BNC2: variants seen among roughly 807,000 people sequenced by gnomAD.
BNC2 encodes basonuclin zinc finger protein 2.
A neutral mutation model predicts 76.3 loss-of-function variants in BNC2; 20 were observed. That is an observed-to-expected ratio of 0.26 (90% CI 0.18 to 0.38). The LOEUF (loss-of-function observed/expected upper bound fraction) is 0.38, where lower values mean the gene tolerates loss of function less well. Ranked by LOEUF, BNC2 falls within the 10% of genes least tolerant of loss-of-function variation. The probability of loss-of-function intolerance (pLI) is 1.00; values close to 1 mark genes in which losing one functional copy is unlikely to be tolerated. For missense variants in BNC2, 1,382 were observed against 1,399.8 expected (o/e 0.99, Z 0.20); for synonymous variants, 582 against 514.8 (o/e 1.13, Z -1.77).
intron 5 of BNC2, among the ~76,000 whole-genome samples, chr9:16,498,997 T>C (rs1822460048): frequency 6.6e-6 from 1 of 152,230 alleles, no homozygotes; most frequent in African/African-American, 2.4e-5. Flanking sequence ...ATAACCGTTT[T>C]ATTAGTTAAC....
chr9:16,797,840 T>C (rs1228323182), intron 1 of BNC2, among the ~76,000 whole-genome samples: 1 of 152,140 alleles, frequency 6.6e-6, no homozygotes, highest in Non-Finnish European at 1.5e-5. Flanking sequence ...TGCCATGTCC[T>C]AGGAAAGGAA....
At position 16,682,525 on chromosome 9, in the gene BNC2, C is replaced by T. The variant is rs534063998; in HGVS notation, c.330+45272G>A. Among the ~76,000 whole-genome samples, 6 of 152,142 alleles carry T rather than the reference C, an allele frequency of 3.9e-5. No homozygotes were observed. The South Asian group carries it at 1.2e-3, about 32-fold the overall frequency. On this transcript the variant is annotated intron_variant, in intron 3 of 6. Transcript: ENST00000380672. ...AAACAAGCCTGATCACGGTTAATTA[C>T]AATGCAGACCAGAGAGCAGCCACAG...
At chr9:16,582,181 A>G (rs1316950502) in intron 4 of BNC2, among the ~76,000 whole-genome samples, 1 of 151,978 alleles carries the variant, frequency 6.6e-6, no homozygotes, top group Non-Finnish European at 1.5e-5. Flanking sequence ...TATAAACATT[A>G]CCTATCTTTT....
intron 6 of BNC2, among the ~76,000 whole-genome samples, chr9:16,426,900 C>T (rs141747848): frequency 6.6e-6 from 1 of 152,174 alleles, no homozygotes; most frequent in Non-Finnish European, 1.5e-5. Flanking sequence ...GAGACTACCA[C>T]TAATCTTGTG....
chr9:16,618,200 T>G (rs1820765800), intron 3 of BNC2, among the ~76,000 whole-genome samples: 1 of 152,188 alleles, frequency 6.6e-6, no homozygotes. Context: ...GCTCTGTGAC[T>G]TAAACCAGAT....
At chr9:16,498,970 C>G (rs1014931517) in intron 5 of BNC2, among the ~76,000 whole-genome samples, 2 of 152,156 alleles carry the variant, frequency 1.3e-5, no homozygotes, top group Non-Finnish European at 2.9e-5. Flanking sequence ...AAATACTAGA[C>G]AGATTGAACA....
At chr9:16,565,098 C>A (rs1819131753) in intron 4 of BNC2, among the ~76,000 whole-genome samples, 1 of 152,150 alleles carries the variant, frequency 6.6e-6, no homozygotes, top group South Asian at 2.1e-4. Flanking sequence ...ACAAGGGCTC[C>A]TAACTGATTT....
intron 5 of BNC2, among the ~76,000 whole-genome samples, chr9:16,470,569 G>A (rs1202151498): frequency 6.6e-6 from 1 of 152,210 alleles, no homozygotes; most frequent in African/African-American, 2.4e-5. Context: ...GGGTCCCCAT[G>A]CTGTGTGCAG....
intron 3 of BNC2, among the ~76,000 whole-genome samples, chr9:16,610,363 G>A (rs1820510170): frequency 6.6e-6 from 1 of 152,148 alleles, no homozygotes; most frequent in Admixed American, 6.6e-5. Flanking sequence ...CGGCCAGTGA[G>A]TAACATCTTT....
intron 1 of BNC2, among the ~76,000 whole-genome samples, chr9:16,849,352 ATTTT>A (rs35561834): frequency 2.2e-5 from 2 of 90,082 alleles, no homozygotes; most frequent in Admixed American, 1.5e-4. Context: ...CATGCAAAAG[ATTTT>A]TTTTTTTTTT....
intron 5 of BNC2, among the ~76,000 whole-genome samples, chr9:16,440,657 T>C (rs1395040257): frequency 1.3e-5 from 2 of 152,208 alleles, no homozygotes; most frequent in Non-Finnish European, 2.9e-5. Context: ...CCCTTTATCT[T>C]CTTTCTCCCT....
chr9:16,608,359 C>T (rs985223956), intron 3 of BNC2, among the ~76,000 whole-genome samples: 2 of 152,124 alleles, frequency 1.3e-5, no homozygotes, highest in Non-Finnish European at 2.9e-5. Flanking sequence ...CCCCCTCCCT[C>T]TGTCTCTGTA....
At chr9:16,749,498 G>A (rs1346608315) in intron 1 of BNC2, among the ~76,000 whole-genome samples, 1 of 152,090 alleles carries the variant, frequency 6.6e-6, no homozygotes, top group African/African-American at 2.4e-5. Flanking sequence ...CCGGTTGTTT[G>A]AGATCAGCCT....
At chr9:16,557,346 A>G (rs1488747768) in intron 4 of BNC2, among the ~76,000 whole-genome samples, 1 of 151,964 alleles carries the variant, frequency 6.6e-6, no homozygotes, top group East Asian at 1.9e-4. Context: ...TAAAAACACA[A>G]AAATAAGCCG....
chr9:16,705,858 G>T (rs80356228), intron 3 of BNC2, among the ~76,000 whole-genome samples: 1 of 152,156 alleles, frequency 6.6e-6, no homozygotes, highest in Non-Finnish European at 1.5e-5. Flanking sequence ...CAGAGAAGTT[G>T]AGAGAAAAAT....
intron 5 of BNC2, among the ~76,000 whole-genome samples, chr9:16,470,812 C>T (rs1213477217): frequency 6.6e-6 from 1 of 152,176 alleles, no homozygotes; most frequent in Non-Finnish European, 1.5e-5. Context: ...GCTGCAGGGG[C>T]GGGGCCCTCA....
chr9:16,474,320 G>C (rs954228507), intron 5 of BNC2, among the ~76,000 whole-genome samples: 1 of 152,158 alleles, frequency 6.6e-6, no homozygotes, highest in Non-Finnish European at 1.5e-5. Flanking sequence ...GCAGAAAGAA[G>C]AACACTTGGG....
At chr9:16,693,334 A>T (rs756713580) in intron 3 of BNC2, among the ~76,000 whole-genome samples, 5 of 152,056 alleles carry the variant, frequency 3.3e-5, no homozygotes, top group African/African-American at 7.2e-5. Context: ...AATCTGAAGA[A>T]CCCAACCCTC....
chr9:16,778,287 G>C (rs2135521707), intron 1 of BNC2, among the ~76,000 whole-genome samples: 2 of 152,294 alleles, frequency 1.3e-5, no homozygotes, highest in Middle Eastern at 6.8e-3. Flanking sequence ...TCTATTGGCA[G>C]AGACCCAAAG....
Sources: allele counts gnomAD v4.1 joint callset (sites outside exome capture counted in the v4.1 genomes callset), GRCh38; gene constraint gnomAD v4.1.1; transcripts MANE v1.5; gene names NCBI Gene and HGNC (gene_info 2026-07-23, HGNC 2026-07-21).